Variants in PDE1A observed in about 807,000 individuals in gnomAD.
PDE1A encodes dual specificity calcium/calmodulin-dependent 3',5'-cyclic nucleotide phosphodiesterase 1A.
Under a neutral mutation model 61.7 loss-of-function variants are expected in PDE1A, and 35 were observed. The ratio of observed to expected loss-of-function variants is 0.57; its 90% CI spans 0.43 to 0.75. The LOEUF (loss-of-function observed/expected upper bound fraction) is 0.75. PDE1A is among the 30% of genes least tolerant of loss of function. PDE1A has a pLI of 0.00. For synonymous variants in PDE1A, 232 were observed against 213.2 expected (o/e 1.09, Z -0.77); for missense variants, 597 against 630.6 (o/e 0.95, Z 0.57).
chr2:182,515,811 G>T (rs997090057), intron 2 of PDE1A, among the ~76,000 whole-genome samples: 1 of 152,168 alleles, frequency 6.6e-6, no homozygotes, highest in Admixed American at 6.5e-5. Context: ...AGTTTGGTGA[G>T]GAAACTGGTG....
intron 3 of PDE1A, among the ~76,000 whole-genome samples, chr2:182,238,783 T>C (rs1037723007): frequency 6.6e-6 from 1 of 152,232 alleles, no homozygotes; most frequent in Non-Finnish European, 1.5e-5. Context: ...ATGTGTTTTA[T>C]GTAACATATG....
the PDE1A span, among the ~76,000 whole-genome samples, chr2:182,575,947 AT>A: frequency 2.7e-5 from 4 of 147,212 alleles, no homozygotes; most frequent in African/African-American, 9.9e-5. Flanking sequence ...GTATTAATAT[AT>A]TATAATATAT....
chr2:182,616,927 T>C, the PDE1A span, among the ~76,000 whole-genome samples: 1 of 152,178 alleles, frequency 6.6e-6, no homozygotes, highest in Non-Finnish European at 1.5e-5. Context: ...TGACCTCAGG[T>C]CCAGGGAGTG....
chr2:182,183,480 A>G (rs1313839468), intron 13 of PDE1A, among the ~76,000 whole-genome samples: 1 of 152,146 alleles, frequency 6.6e-6, no homozygotes, highest in Admixed American at 6.5e-5. Context: ...GGTAGAATCA[A>G]CTTGGAATGG....
intron 2 of PDE1A, among the ~76,000 whole-genome samples, chr2:182,447,028 C>T (rs1328128785): frequency 6.6e-6 from 1 of 151,452 alleles, no homozygotes; most frequent in African/African-American, 2.4e-5. Flanking sequence ...TTAATCTATA[C>T]ATTAAACTCC....
the PDE1A span, among the ~76,000 whole-genome samples, chr2:182,617,146 A>C: frequency 0.021 from 3,090 of 147,846 alleles, 51 homozygotes; most frequent in Middle Eastern, 0.043. Context: ...ATCCTACACT[A>C]ACAACGTGAT....
At chr2:182,338,105 T>A (rs1359799043) in intron 1 of PDE1A, among the ~76,000 whole-genome samples, 1 of 152,184 alleles carries the variant, frequency 6.6e-6, no homozygotes, top group Non-Finnish European at 1.5e-5. Flanking sequence ...GAAGAGACAG[T>A]CATTCAAAGA....
the PDE1A span, among the ~76,000 whole-genome samples, chr2:182,561,008 C>T: frequency 2.0e-5 from 3 of 148,538 alleles, no homozygotes; most frequent in Non-Finnish European, 4.5e-5. Flanking sequence ...TTGTAGGTTG[C>T]CTGTTCACTC....
At chr2:182,271,536 T>G (rs1693025472) in intron 1 of PDE1A, among the ~76,000 whole-genome samples, 1 of 152,126 alleles carries the variant, frequency 6.6e-6, no homozygotes, top group Non-Finnish European at 1.5e-5. Context: ...ATTTCCAGTT[T>G]GTTGAAGAGT....
At chr2:182,241,928 C>A (rs1302260472) in intron 2 of PDE1A, 1 of 1,518,348 alleles carries the variant, frequency 6.6e-7, no homozygotes, top group Admixed American at 2.2e-5. Context: ...AAATTAGATT[C>A]CCTAGCCCAT....
At chr2:182,698,806 A>C in the PDE1A span, among the ~76,000 whole-genome samples, 1 of 152,178 alleles carries the variant, frequency 6.6e-6, no homozygotes, top group Non-Finnish European at 1.5e-5. Flanking sequence ...TCTATCACCA[A>C]GGCAAAGGGA....
chr2:182,275,201 G>C (rs1249111973), intron 1 of PDE1A, among the ~76,000 whole-genome samples: 2 of 152,062 alleles, frequency 1.3e-5, no homozygotes, highest in Admixed American at 6.6e-5. Flanking sequence ...CTGCAGAAGA[G>C]AGAAACACCA....
At chr2:182,678,973 T>C in the PDE1A span, among the ~76,000 whole-genome samples, 1 of 151,128 alleles carries the variant, frequency 6.6e-6, no homozygotes, top group Non-Finnish European at 1.5e-5. Flanking sequence ...TCTGAGATGA[T>C]GGATATGCTA....
the PDE1A span, among the ~76,000 whole-genome samples, chr2:182,571,457 T>C: frequency 6.6e-6 from 1 of 152,102 alleles, no homozygotes; most frequent in Non-Finnish European, 1.5e-5. Context: ...ATTTTCTAAT[T>C]CTTTGTCTAA....
chr2:182,397,749 A>T (rs1315908982), intron 1 of PDE1A, among the ~76,000 whole-genome samples: 2 of 152,102 alleles, frequency 1.3e-5, no homozygotes, highest in Non-Finnish European at 2.9e-5. Context: ...AAACTCTTTA[A>T]GATCAGGGAT....
At chr2:182,426,972 A>G in exon 1 of PDE1A, 1 of 1,030,698 alleles carries the variant, frequency 9.7e-7, no homozygotes. Flanking sequence ...TCATCCAGGT[A>G]GGAACTCCCT....
intron 1 of PDE1A, among the ~76,000 whole-genome samples, chr2:182,293,967 G>A (rs1286960428): frequency 6.6e-6 from 1 of 152,188 alleles, no homozygotes; most frequent in Non-Finnish European, 1.5e-5. Flanking sequence ...CCATGATGAT[G>A]TCTATGGTGT....
chr2:182,610,112 G>A, the PDE1A span, among the ~76,000 whole-genome samples: 163 of 151,210 alleles, frequency 1.1e-3, 1 homozygote, highest in African/African-American at 3.7e-3. Context: ...AGAAAGAAAT[G>A]CATGCTCAGA....
intron 2 of PDE1A, among the ~76,000 whole-genome samples, chr2:182,503,748 C>T (rs1689234972): frequency 6.6e-6 from 1 of 152,082 alleles, no homozygotes; most frequent in African/African-American, 2.4e-5. Flanking sequence ...TGTTGCTGTA[C>T]CGTTTTATTA....
Sources: gnomAD v4.1 joint callset for allele counts (sites outside exome capture counted in the v4.1 genomes callset) on GRCh38, gnomAD v4.1.1 for gene constraint, MANE v1.5 for transcripts, NCBI Gene and HGNC (gene_info 2026-07-23, HGNC 2026-07-21) for gene names.